HELQ: variants seen among roughly 807,000 people sequenced by gnomAD.
HELQ encodes helicase, POLQ like, also known as helicase POLQ-like.
In HELQ, 77 loss-of-function variants were observed where a neutral mutation model predicts 111.6. The ratio of observed to expected loss-of-function variants is 0.69; its 90% CI spans 0.57 to 0.83. The LOEUF (loss-of-function observed/expected upper bound fraction) is 0.83, where lower values mean the gene tolerates loss of function less well. HELQ is among the 40% of genes least tolerant of loss of function. The pLI is 0.00. For synonymous variants in HELQ, 438 were observed against 454.7 expected (o/e 0.96, Z 0.47); for missense variants, 1,200 against 1,288.5 (o/e 0.93, Z 1.05).
rs1719910486 is a variant in HELQ, at chr4:83,427,548, A to T, written c.2676+15T>A. On this transcript the variant is annotated intron_variant, in intron 13 of 17. Coordinates refer to ENST00000295488, the MANE Select transcript of HELQ (RefSeq NM_133636.5). ...TAAACGAAGTAGCCTAAGTTGAAAA[A>T]CGTTATATTCTCACCTGCCTGAAGT... 6.7e-7 allele frequency: 1 copy of T among 1,495,600 alleles called. No individual in the cohort carries two copies. Among genetic ancestry groups the T allele is most frequent in the East Asian group, 2.5e-5 (1 of 40,022 alleles). 92.6% of individuals were successfully genotyped at this position (1,495,600 alleles called of 1,614,324 possible).
In HELQ at chr4:83,431,645, A is replaced by C; in HGVS notation, c.2295+19T>G. Reference sequence around the variant, plus strand: ...TGTCTCAGATAACAGTAATAAGATAAAAAATTTAAGAAAAATACCTTCAAA... The same window carrying C: ...TGTCTCAGATAACAGTAATAAGATACAAAATTTAAGAAAAATACCTTCAAA... On this transcript the variant is annotated intron_variant, in intron 11 of 17. Coordinates refer to ENST00000295488, the MANE Select transcript of HELQ (RefSeq NM_133636.5). 2 of 1,383,462 alleles carry C rather than the reference A, an allele frequency of 1.4e-6. No homozygotes were observed. The highest frequency in any genetic ancestry group is 3.0e-5 in the African/African-American group (2 of 67,612). The allele number at this position is 1,383,462 out of a possible 1,614,324, so 85.7% of individuals were successfully genotyped here.
intron 13 of HELQ, among the ~76,000 whole-genome samples, chr4:83,426,337 T>C (rs536137784): frequency 6.6e-6 from 1 of 152,120 alleles, no homozygotes; most frequent in South Asian, 2.1e-4. Context: ...CTATATTTAA[T>C]ACCAGATGGC....
intron 17 of HELQ, among the ~76,000 whole-genome samples, chr4:83,413,060 C>T (rs1739185937): frequency 6.6e-6 from 1 of 152,248 alleles, no homozygotes; most frequent in Admixed American, 6.5e-5. Context: ...ACAGGATTCA[C>T]AGAGCTTCCA....
At chr4:83,410,060 G>C (rs1005925890) in intron 17 of HELQ, among the ~76,000 whole-genome samples, 1 of 152,052 alleles carries the variant, frequency 6.6e-6, no homozygotes, top group Non-Finnish European at 1.5e-5. Context: ...AGACCAGCCT[G>C]GGCAATGCAG....
At chr4:83,425,236 T>C (rs1003741429) in intron 14 of HELQ, among the ~76,000 whole-genome samples, 3 of 139,958 alleles carry the variant, frequency 2.1e-5, no homozygotes, top group African/African-American at 8.4e-5. Flanking sequence ...CCCAAGATCA[T>C]GCCACTGCAT....
Position 83,452,677 on chromosome 4 carries a change from G to GT in HELQ, c.1012+553dup, listed in dbSNP as rs1721457845. ...TCGGGGTCAAAAAACAGGAGTGGTT[G>GT]TAAGGACATCCAGAAACAAGAATTT... On this transcript the variant is annotated intron_variant, in intron 2 of 17. Transcript: ENST00000295488. 5.3e-5 allele frequency among the ~76,000 whole-genome samples: 8 copies of GT among 152,304 alleles called. 1 individual carries two copies. The highest frequency in any genetic ancestry group is 1.9e-4 in the African/African-American group (8 of 41,562).
At chr4:83,449,980 A>G (rs1721261568) in intron 2 of HELQ, among the ~76,000 whole-genome samples, 1 of 151,886 alleles carries the variant, frequency 6.6e-6, no homozygotes. Flanking sequence ...CCTTGTGGAA[A>G]GTAACCTAGT....
intron 5 of HELQ, among the ~76,000 whole-genome samples, chr4:83,445,474 T>C (rs1459665415): frequency 2.0e-5 from 3 of 152,230 alleles, no homozygotes; most frequent in Non-Finnish European, 2.9e-5. Flanking sequence ...ATATCAATAG[T>C]AGGTTATGAC....
intron 12 of HELQ, 65 bp downstream of exon 12, chr4:83,429,459 A>C: frequency 8.2e-7 from 1 of 1,215,356 alleles, no homozygotes; most frequent in Non-Finnish European, 1.2e-6. Context: ...TAAAGAAAGT[A>C]TAATTTAATT....
chr4:83,446,867 T>C lies in HELQ; in HGVS notation c.1360A>G (p.Ile454Val), dbSNP rs1156802694. ...LVNSLIETGR[I>V]DSLGLVVVDE... ...ACAACAACCAGACCCAGACTGTCAA[T>C]TCTTCCAGTTTCAATCAAGGAGTTC... Residue 454 changes from isoleucine (I) to valine (V), a missense_variant, in exon 4 of 18, where the codon ATT becomes GTT. Around this residue, in one of 3 missense-constraint regions of HELQ, gnomAD observed 610 missense variants for 607.1 expected, o/e 1.00. Transcript: ENST00000295488. The C allele has an allele frequency of 6.2e-7, 1 of 1,613,462 alleles. No homozygotes were observed. The highest frequency in any genetic ancestry group is 8.5e-7 in the Non-Finnish European group (1 of 1,179,538).
At chr4:83,427,820 T>C in intron 12 of HELQ, 100 bp from the exon 13 acceptor site, 6 of 736,744 alleles carry the variant, frequency 8.1e-6, no homozygotes, top group African/African-American at 1.8e-5. Flanking sequence ...TAGCAAAAAG[T>C]CTTCAAAATC....
In HELQ at chr4:83,455,768, G is replaced by A; in HGVS notation, c.-75C>T. 7.1e-7 allele frequency: 1 copy of A among 1,403,104 alleles called. No individual in the cohort carries two copies. The allele number at this position is 1,403,104 out of a possible 1,614,324, so 86.9% of individuals were successfully genotyped here. A position where few individuals can be genotyped will look rare whatever the true frequency, so the allele number is the denominator to read the frequency against. ...CTAAGCCCATATGGAAGGGAGAGTG[G>A]GACGCCGGAGCCCGCTTCTACATCC... On this transcript the variant is annotated 5_prime_UTR_variant, in exon 1 of 18. Transcript: ENST00000295488.
intron 5 of HELQ, among the ~76,000 whole-genome samples, chr4:83,443,928 C>T (rs1049324535): frequency 4.0e-4 from 60 of 151,808 alleles, no homozygotes; most frequent in African/African-American, 1.4e-3. Context: ...GCCTGTAGTC[C>T]CAGCTACTTA....
At chr4:83,413,757 C>G (rs972643518) in intron 17 of HELQ, among the ~76,000 whole-genome samples, 1 of 152,168 alleles carries the variant, frequency 6.6e-6, no homozygotes, top group African/African-American at 2.4e-5. Flanking sequence ...CTCTCAAAAC[C>G]TAGTTTCTAT....
chr4:83,411,942 C>T (rs1036497573), intron 17 of HELQ, among the ~76,000 whole-genome samples: 1 of 152,120 alleles, frequency 6.6e-6, no homozygotes, highest in Non-Finnish European at 1.5e-5. Flanking sequence ...TACACCTGAG[C>T]CTGAACTCTT....
intron 9 of HELQ, among the ~76,000 whole-genome samples, chr4:83,434,008 T>C (rs1258549381): frequency 6.7e-6 from 1 of 149,834 alleles, no homozygotes; most frequent in Non-Finnish European, 1.5e-5. Flanking sequence ...AGTAGACTAT[T>C]ATAAGGAAAG....
At chr4:83,438,017 C>G (rs1265848070) in intron 8 of HELQ, among the ~76,000 whole-genome samples, 1 of 152,108 alleles carries the variant, frequency 6.6e-6, no homozygotes, top group African/African-American at 2.4e-5. Flanking sequence ...AATTTAATTT[C>G]CTTAAGCTTT....
At chr4:83,408,111 T>C (rs1013090631) in intron 17 of HELQ, among the ~76,000 whole-genome samples, 1 of 152,154 alleles carries the variant, frequency 6.6e-6, no homozygotes, top group Non-Finnish European at 1.5e-5. Flanking sequence ...TAATAAGCTA[T>C]ATAGATCAAT....
In HELQ at chr4:83,419,737, C is replaced by T. The variant is rs1442158349; in HGVS notation, c.2950-1531G>A. On this transcript the variant is annotated intron_variant, in intron 15 of 17. Transcript: ENST00000295488. Reference sequence around the variant, plus strand: ...GACTTAAGAAAATACATTTTAAAGGCTAGCTTCTTCTTATTACCCATAATT... The same window carrying T: ...GACTTAAGAAAATACATTTTAAAGGTTAGCTTCTTCTTATTACCCATAATT... Among the ~76,000 whole-genome samples, 5 of 151,920 alleles carry T rather than the reference C, an allele frequency of 3.3e-5. No homozygotes were observed. The East Asian group carries it at 9.6e-4, about 29-fold the overall frequency.
Sources: gnomAD v4.1 joint callset for allele counts (sites outside exome capture counted in the v4.1 genomes callset) on GRCh38, gnomAD v4.1.1 for gene constraint, gnomAD v4.1.1 regional missense constraint, MANE v1.5 for transcripts, NCBI Gene and HGNC (gene_info 2026-07-23, HGNC 2026-07-21) for gene names.